CDH8: variants seen among roughly 807,000 people sequenced by gnomAD.
CDH8 encodes the protein cadherin 8, also known as cadherin-8.
Under a neutral mutation model 68.1 loss-of-function variants are expected in CDH8, and 17 were observed. That is an observed-to-expected ratio of 0.25 (90% CI 0.17 to 0.37). The LOEUF (loss-of-function observed/expected upper bound fraction) is 0.37. Among genes scored for constraint, CDH8 ranks in the 10% least tolerant of loss-of-function variants. The probability of loss-of-function intolerance (pLI) is 1.00; values close to 1 mark genes in which losing one functional copy is unlikely to be tolerated. For missense variants in CDH8, 763 were observed against 999.3 expected, an observed-to-expected ratio of 0.76 and a Z score of 3.19; for synonymous variants, 372 against 365.1, an observed-to-expected ratio of 1.02 and a Z score of -0.21.
chr16:61,863,714 G>A (rs911395299), intron 3 of CDH8, among the ~76,000 whole-genome samples: 12 of 152,012 alleles, frequency 7.9e-5, no homozygotes, highest in Admixed American at 3.3e-4. Context: ...AAAATAAAGG[G>A]GCAGAACCTT....
At chr16:61,655,982 C>T (rs892145207) in intron 10 of CDH8, among the ~76,000 whole-genome samples, 1 of 151,746 alleles carries the variant, frequency 6.6e-6, no homozygotes, top group African/African-American at 2.4e-5. Flanking sequence ...ACGCCATTCT[C>T]CTGCCTCAGC....
chr16:61,935,716 C>T (rs1289442892), intron 2 of CDH8, among the ~76,000 whole-genome samples: 1 of 152,026 alleles, frequency 6.6e-6, no homozygotes, highest in Non-Finnish European at 1.5e-5. Flanking sequence ...GAATTAAAAG[C>T]ACCTAAGTAT....
At chr16:61,761,690 T>C (rs974972880) in intron 8 of CDH8, among the ~76,000 whole-genome samples, 5 of 152,122 alleles carry the variant, frequency 3.3e-5, no homozygotes, top group Admixed American at 6.6e-5. Flanking sequence ...GCATATTCCA[T>C]TTGTATAACA....
intron 4 of CDH8, 146 bp downstream of exon 4, chr16:61,856,973 A>C: frequency 1.1e-6 from 1 of 889,868 alleles, no homozygotes; most frequent in South Asian, 1.5e-5. Context: ...TGTAGGGCTC[A>C]CTGTGTACCT....
At chr16:61,954,728 A>C (rs1567543071) in intron 2 of CDH8, among the ~76,000 whole-genome samples, 1 of 151,912 alleles carries the variant, frequency 6.6e-6, no homozygotes, top group Non-Finnish European at 1.5e-5. Context: ...GAAAGAAAGA[A>C]AGAAAGATAA....
In CDH8 at chr16:61,901,172, T is replaced by C. The variant is rs1963963158; in HGVS notation, c.547+7A>G. 2 of 1,610,890 alleles carry C rather than the reference T, an allele frequency of 1.2e-6. No individual in the cohort carries two copies. The highest frequency in any genetic ancestry group is 1.3e-5 in the African/African-American group (1 of 74,694). ...TAATAGATCTGTGAAATTGGAAGCA[T>C]ACATACCCAAAATGGACATTTCTGG... On this transcript the variant is annotated splice_region_variant and intron_variant, in intron 3 of 11. Transcript: ENST00000577390.
At chr16:61,753,469 G>A (rs1397276959) in intron 8 of CDH8, among the ~76,000 whole-genome samples, 1 of 152,006 alleles carries the variant, frequency 6.6e-6, no homozygotes, top group Non-Finnish European at 1.5e-5. Context: ...CAGACTCTTG[G>A]CCTTAAGTGA....
chr16:61,852,186 C>T lies in CDH8; in HGVS notation c.667+4933G>A, dbSNP rs1962951117. Among the ~76,000 whole-genome samples the T allele has an allele frequency of 2.0e-5, 3 of 152,018 alleles. No individual in the cohort carries two copies. The South Asian group carries it at 6.2e-4, about 31-fold the overall frequency. Reference sequence around the variant, plus strand: ...TTTTATTCTTCCTGTTATGATTTGACAGAGGAATTTATCTAAAGGTGAGAA... The same window carrying T: ...TTTTATTCTTCCTGTTATGATTTGATAGAGGAATTTATCTAAAGGTGAGAA... On this transcript the variant is annotated intron_variant, in intron 4 of 11. Transcript: ENST00000577390.
At chr16:61,910,842 G>C (rs1428420895) in intron 2 of CDH8, among the ~76,000 whole-genome samples, 1 of 152,132 alleles carries the variant, frequency 6.6e-6, no homozygotes, top group Non-Finnish European at 1.5e-5. Flanking sequence ...ACATTGATTT[G>C]TAGTAAAAAT....
chr16:61,708,655 C>T (rs776213013), intron 10 of CDH8, among the ~76,000 whole-genome samples: 19 of 152,198 alleles, frequency 1.2e-4, no homozygotes, highest in Non-Finnish European at 2.2e-4. Context: ...TGCACATCGC[C>T]CTTAATTACA....
intron 3 of CDH8, among the ~76,000 whole-genome samples, chr16:61,897,759 G>A (rs1292456372): frequency 6.6e-6 from 1 of 152,098 alleles, no homozygotes; most frequent in Non-Finnish European, 1.5e-5. Context: ...TAGATGAAAG[G>A]ATGAATTAGA....
At chr16:61,945,328 T>TA (rs1335904637) in intron 2 of CDH8, among the ~76,000 whole-genome samples, 1 of 151,368 alleles carries the variant, frequency 6.6e-6, no homozygotes, top group East Asian at 1.9e-4. Flanking sequence ...AGCTGCTTCT[T>TA]AAAAAACGGT....
At chr16:61,816,151 G>A (rs144970341) in intron 7 of CDH8, among the ~76,000 whole-genome samples, 1 of 152,050 alleles carries the variant, frequency 6.6e-6, no homozygotes, top group Admixed American at 6.6e-5. Flanking sequence ...CTCTTCTGCA[G>A]GAAGAGTCTT....
chr16:61,883,310 C>G (rs895245755), intron 3 of CDH8, among the ~76,000 whole-genome samples: 30 of 151,956 alleles, frequency 2.0e-4, no homozygotes, highest in African/African-American at 7.3e-4. Context: ...TTTCACTCCC[C>G]TTTTAACTTT....
In CDH8 at chr16:61,782,428, G is replaced by C. The variant is rs376787966; in HGVS notation, c.1414+6918C>G. 5.6e-3 allele frequency among the ~76,000 whole-genome samples: 854 copies of C among 152,102 alleles called. 3 individuals carry two copies. Among genetic ancestry groups the C allele is most frequent in the South Asian group, 0.013 (62 of 4,814 alleles). On this transcript the variant is annotated intron_variant, in intron 8 of 11. Coordinates refer to ENST00000577390, the MANE Select transcript of CDH8 (RefSeq NM_001796.5). Reference sequence around the variant, plus strand: ...CGAGACTATATCCCACACCTGGCTCGGAGGGTCCTACGCCCACGGAGTCTC... The same window carrying C: ...CGAGACTATATCCCACACCTGGCTCCGAGGGTCCTACGCCCACGGAGTCTC...
chr16:61,879,118 G>A (rs911065041), intron 3 of CDH8, among the ~76,000 whole-genome samples: 4 of 152,056 alleles, frequency 2.6e-5, no homozygotes, highest in African/African-American at 9.7e-5. Context: ...TAGTTTCCTC[G>A]AAGGTAGGCT....
intron 2 of CDH8, among the ~76,000 whole-genome samples, chr16:61,988,444 C>T (rs1321710228): frequency 6.6e-6 from 1 of 152,082 alleles, no homozygotes; most frequent in African/African-American, 2.4e-5. Flanking sequence ...CTCTTTAAAC[C>T]AAGCCCTGCA....
At chr16:61,824,931 A>T in intron 5 of CDH8, 81 bp downstream of exon 5, 1 of 1,244,834 alleles carries the variant, frequency 8.0e-7, no homozygotes, top group Non-Finnish European at 1.1e-6. Flanking sequence ...TCAGGTTTTT[A>T]ATTATCACTA....
rs1964679588 is a variant in CDH8, at chr16:61,714,150, A to G, written c.1537-192T>C. The G allele has an allele frequency of 5.4e-6, 3 of 556,290 alleles. No homozygotes were observed. The South Asian group carries it at 6.7e-5, about 12-fold the overall frequency. 34.5% of individuals were successfully genotyped at this position (556,290 alleles called of 1,614,324 possible). A position where few individuals can be genotyped will look rare whatever the true frequency, so the allele number is the denominator to read the frequency against. On this transcript the variant is annotated intron_variant, in intron 9 of 11. Coordinates refer to ENST00000577390, the MANE Select transcript of CDH8 (RefSeq NM_001796.5). ...CCATTACTTTAAAACCTCAGCTTTG[A>G]TAAGTTGATGAAAATTAAGAGCATT...
Sources: allele counts gnomAD v4.1 joint callset (sites outside exome capture counted in the v4.1 genomes callset), GRCh38; gene constraint gnomAD v4.1.1; transcripts MANE v1.5; gene names NCBI Gene and HGNC (gene_info 2026-07-23, HGNC 2026-07-21).